The following PRADC1 variants were observed in gnomAD, a reference collection of about 807,000 sequenced individuals.
PRADC1 encodes protease associated domain containing 1.
PRADC1 carries 23 observed loss-of-function variants against 22.9 expected under a neutral mutation model. The ratio of observed to expected loss-of-function variants is 1.00; its 90% CI spans 0.72 to 1.42. PRADC1 has a LOEUF of 1.42. PRADC1 is among the 40% of genes most tolerant of loss of function. PRADC1 has a pLI of 0.00. For synonymous variants in PRADC1, 71 were observed against 100.3 expected, an observed-to-expected ratio of 0.71 and a Z score of 1.75; for missense variants, 207 against 258.3, an observed-to-expected ratio of 0.80 and a Z score of 1.36.
rs201315039 is a variant in PRADC1 at position 73,230,139 on chromosome 2, G to T, written c.142C>A (p.Pro48Thr). ...AAGATACCACCAAAGTCCTTGGCAG[G>T]TGTGGCTGTGAAGATGTATCGAATG... ...GDIRYIFTAT[P>T]AKDFGGIFHT... Residue 48 changes from proline to threonine, a missense_variant, in exon 2 of 5, where the codon CCT (proline) becomes ACT (threonine). Transcript: ENST00000258083. 60 of 1,613,382 alleles carry T rather than the reference G, an allele frequency of 3.7e-5. No homozygotes were observed. The Middle Eastern group carries it at 8.3e-4, about 22-fold the overall frequency.
At position 73,228,380 on chromosome 2, in the gene PRADC1, C is replaced by G. The variant is rs1003752123; in HGVS notation, c.*74G>C. ...TGTCCCCAGATGCTATCTCCAAATT[C>G]CAAGTAGCAAAATTCCTGGGTTTCC... On this transcript the variant is annotated 3_prime_UTR_variant, in exon 5 of 5. Transcript: ENST00000258083. The surrounding 1 kb of genome is among the most constrained non-coding windows in gnomAD (Gnocchi z 4.0). The G allele has an allele frequency of 7.6e-6, 12 of 1,585,694 alleles. No individual in the cohort carries two copies. Among genetic ancestry groups the G allele is most frequent in the African/African-American group, 1.3e-5 (1 of 74,362 alleles).
chr2:73,233,213 G>T lies in PRADC1; in HGVS notation c.-53C>A, dbSNP rs1231547214. The T allele has an allele frequency of 9.1e-6, 11 of 1,212,784 alleles. No individual in the cohort carries two copies. Among genetic ancestry groups the T allele is most frequent in the Non-Finnish European group, 7.5e-6 (7 of 929,174 alleles). The allele number at this position is 1,212,784 out of a possible 1,614,324, so 75.1% of individuals were successfully genotyped here. A position where few individuals can be genotyped will look rare whatever the true frequency, so the allele number is the denominator to read the frequency against. ...GCGTTTCCTCTCGCCGCCCCGCCGCGCGTCGCTCGCAGGACTTCAGCCTGA... is the reference window on the plus strand; with the variant it reads ...GCGTTTCCTCTCGCCGCCCCGCCGCTCGTCGCTCGCAGGACTTCAGCCTGA... On this transcript the variant is annotated 5_prime_UTR_variant, in exon 1 of 5. Coordinates refer to ENST00000258083, the MANE Select transcript of PRADC1 (RefSeq NM_032319.3).
At chr2:73,229,298 TG>T (rs1303992437) in intron 3 of PRADC1, among the ~76,000 whole-genome samples, 162 bp downstream of exon 3, 5 of 152,126 alleles carry the variant, frequency 3.3e-5, no homozygotes, top group African/African-American at 1.2e-4. Flanking sequence ...TTGTATTTTT[TG>T]TACAGACAGG....
rs773339359 is a variant in PRADC1, at chr2:73,228,862, C to T, written c.379G>A (p.Glu127Lys). 59 of 1,613,344 alleles carry T rather than the reference C, an allele frequency of 3.7e-5. No homozygotes were observed. The highest frequency in any genetic ancestry group is 4.8e-5 in the Non-Finnish European group (57 of 1,179,984). Residue 127 changes from glutamate to lysine, a missense_variant, in exon 4 of 5, where the codon GAG (glutamate) becomes AAG (lysine). Physicochemically the swap from Glu to Lys is moderately conservative, Grantham distance 56. Coordinates refer to ENST00000258083, the MANE Select transcript of PRADC1 (RefSeq NM_032319.3). The surrounding 1 kb of genome is among the most constrained non-coding windows in gnomAD (Gnocchi z 4.0). Reference protein sequence around the residue: ...NAVDNDSFYVEMIQDSTQRTA... With the variant: ...NAVDNDSFYVKMIQDSTQRTA... The stretch of plus-strand genomic sequence containing the variant: ...CGCTGGGTACTGTCCTGGATCATCT[C>T]CACGTAGAAGCTGTCATTGTCAACT...
intron 1 of PRADC1, among the ~76,000 whole-genome samples, chr2:73,230,909 C>G (rs536178184): frequency 6.6e-6 from 1 of 152,292 alleles, no homozygotes; most frequent in South Asian, 2.1e-4. Context: ...GCAGGCTGTT[C>G]CCTGAGCCTG....
At position 73,228,728 on chromosome 2, in the gene PRADC1, G is replaced by C; in HGVS notation, c.446+67C>G. On this transcript the variant is annotated intron_variant, in intron 4 of 4. Transcript: ENST00000258083. The surrounding 1 kb of genome is among the most constrained non-coding windows in gnomAD (Gnocchi z 4.0). ...TTGAGGCCTGCAAGAAGGGACTGGT[G>C]ATTACCCCTGACCCAGTCATGGCGC... is the stretch of plus-strand genomic sequence containing the variant. 6.3e-7 allele frequency: 1 copy of C among 1,586,126 alleles called. No homozygotes were observed.
At position 73,228,956 on chromosome 2, in the gene PRADC1, G is replaced by A; in HGVS notation, c.285C>T (p.Cys95=). The part of the protein sequence containing the change: ...DQIALVERGG[C]SFLSKTRVVQ... Reference sequence around the variant, plus strand: ...CCACCCGAGTCTTGGAGAGGAAGGAGCAGCCCCTGGAAGAGGTGGTGATAA... The same window carrying A: ...CCACCCGAGTCTTGGAGAGGAAGGAACAGCCCCTGGAAGAGGTGGTGATAA... The change falls in exon 4 of 5, where the codon TGC becomes TGT. Residue 95 remains cysteine (C), a synonymous_variant. Coordinates refer to ENST00000258083, the MANE Select transcript of PRADC1 (RefSeq NM_032319.3). The surrounding 1 kb of genome is among the most constrained non-coding windows in gnomAD (Gnocchi z 4.0). 6.2e-7 allele frequency: 1 copy of A among 1,613,826 alleles called. No homozygotes were observed.
intron 1 of PRADC1, among the ~76,000 whole-genome samples, chr2:73,230,648 G>T (rs1309431343): frequency 6.6e-6 from 1 of 152,160 alleles, no homozygotes; most frequent in Admixed American, 6.5e-5. Flanking sequence ...CTTCTTACCT[G>T]GCCTCCCTGC....
rs1479226582 is a variant in PRADC1, at chr2:73,228,782, A to G, written c.446+13T>C. On this transcript the variant is annotated intron_variant, in intron 4 of 4. Transcript: ENST00000258083. This position sits in a 1 kb window ranked among gnomAD's most constrained non-coding sequence, Gnocchi z 4.0. ...GCCTGGTGCTGATAAAGCCAGAGGC[A>G]AGGAGCCCTCACCCGTCTCGGCCGA... 3 of 1,608,700 alleles carry G rather than the reference A, an allele frequency of 1.9e-6. No homozygotes were observed. Among genetic ancestry groups the G allele is most frequent in the Non-Finnish European group, 8.5e-7 (1 of 1,176,508 alleles).
At chr2:73,230,482 G>T (rs1288869349) in intron 1 of PRADC1, among the ~76,000 whole-genome samples, 5 of 152,250 alleles carry the variant, frequency 3.3e-5, no homozygotes, top group African/African-American at 1.2e-4. Flanking sequence ...GAGCTCCAGG[G>T]TTAGTATTTT....
At chr2:73,230,690 A>G (rs955059024) in intron 1 of PRADC1, among the ~76,000 whole-genome samples, 1 of 152,230 alleles carries the variant, frequency 6.6e-6, no homozygotes, top group African/African-American at 2.4e-5. Context: ...AACAACCAGA[A>G]ATCGAAAACA....
intron 1 of PRADC1, among the ~76,000 whole-genome samples, chr2:73,232,698 G>A (rs1686682451): frequency 6.6e-6 from 1 of 152,196 alleles, no homozygotes; most frequent in African/African-American, 2.4e-5. Context: ...GCTTGTGTAG[G>A]TGTAAACGGT....
chr2:73,232,606 C>G (rs1686679275), intron 1 of PRADC1, among the ~76,000 whole-genome samples: 1 of 152,200 alleles, frequency 6.6e-6, no homozygotes, highest in Admixed American at 6.5e-5. Context: ...CCAACCCTTG[C>G]TTGCCTTTGT....
chr2:73,228,732 AC>A lies in PRADC1; in HGVS notation c.446+62del. The A allele has an allele frequency of 6.3e-7, 1 of 1,582,742 alleles. No individual in the cohort carries two copies. The highest frequency in any genetic ancestry group is 8.6e-7 in the Non-Finnish European group (1 of 1,160,628). On this transcript the variant is annotated intron_variant, in intron 4 of 4. Coordinates refer to ENST00000258083, the MANE Select transcript of PRADC1 (RefSeq NM_032319.3). The surrounding 1 kb of genome is among the most constrained non-coding windows in gnomAD (Gnocchi z 4.0). Reference sequence around the variant, plus strand: ...GGCCTGCAAGAAGGGACTGGTGATTACCCCTGACCCAGTCATGGCGCCCAGC... The same window carrying A: ...GGCCTGCAAGAAGGGACTGGTGATTACCCTGACCCAGTCATGGCGCCCAGC...
Position 73,228,764 on chromosome 2 carries a change from G to A in PRADC1, c.446+31C>T, listed in dbSNP as rs1373086249. 1 of 1,602,980 alleles carries A rather than the reference G, an allele frequency of 6.2e-7. No individual in the cohort carries two copies. The highest frequency in any genetic ancestry group is 8.5e-7 in the Non-Finnish European group (1 of 1,172,842). The stretch of plus-strand genomic sequence containing the variant: ...ACCCAGTCATGGCGCCCAGCCTGGT[G>A]CTGATAAAGCCAGAGGCAAGGAGCC... On this transcript the variant is annotated intron_variant, in intron 4 of 4. Coordinates refer to ENST00000258083, the MANE Select transcript of PRADC1 (RefSeq NM_032319.3). This position sits in a 1 kb window ranked among gnomAD's most constrained non-coding sequence, Gnocchi z 4.0.
At chr2:73,229,191 C>T (rs531978784) in intron 3 of PRADC1, among the ~76,000 whole-genome samples, 2 of 151,926 alleles carry the variant, frequency 1.3e-5, no homozygotes, top group East Asian at 3.9e-4. Context: ...GACGTGATCT[C>T]GGCTCACTGC....
chr2:73,232,648 G>A (rs1182577754), intron 1 of PRADC1, among the ~76,000 whole-genome samples: 1 of 152,222 alleles, frequency 6.6e-6, no homozygotes, highest in Non-Finnish European at 1.5e-5. Flanking sequence ...GTGGGTATAC[G>A]TATGTGCTCA....
intron 3 of PRADC1, among the ~76,000 whole-genome samples, 193 bp downstream of exon 3, chr2:73,229,265 GCAC>G (rs1686582324): frequency 1.3e-5 from 2 of 151,974 alleles, no homozygotes; most frequent in South Asian, 4.2e-4. Context: ...CCACAGGTGT[GCAC>G]CACCATGCCC....
At chr2:73,229,113 A>T (rs1686578585) in intron 3 of PRADC1, 151 bp from the exon 4 acceptor site, 6 of 765,852 alleles carry the variant, frequency 7.8e-6, no homozygotes, top group Non-Finnish European at 1.2e-5. Flanking sequence ...ATTTAAATAC[A>T]TTTCTTTTTC....
Sources: gnomAD v4.1 joint callset for allele counts (sites outside exome capture counted in the v4.1 genomes callset) on GRCh38, gnomAD v4.1.1 for gene constraint, Gnocchi (gnomAD v3.1) non-coding constraint, MANE v1.5 for transcripts, NCBI Gene and HGNC (gene_info 2026-07-23, HGNC 2026-07-21) for gene names.